WDR41: variants seen among roughly 807,000 people sequenced by gnomAD.
The protein encoded by WDR41 is WD repeat-containing protein 41.
In WDR41, 63 loss-of-function variants were observed where a neutral mutation model predicts 69.3. That is an observed-to-expected ratio of 0.91 (90% confidence interval 0.74 to 1.12). WDR41 has a LOEUF of 1.12. Among genes scored for constraint, WDR41 ranks in the 50% most tolerant of loss-of-function variants. WDR41 has a pLI of 0.00. For missense variants in WDR41, 543 were observed against 534.5 expected (o/e 1.02, Z -0.16); for synonymous variants, 185 against 192.1 (o/e 0.96, Z 0.31).
intron 1 of WDR41, among the ~76,000 whole-genome samples, chr5:77,524,232 T>C (rs755864970): frequency 3.3e-5 from 5 of 152,174 alleles, no homozygotes; most frequent in Middle Eastern, 3.2e-3. Flanking sequence ...TATTATTACA[T>C]TGGGAATTTT....
intron 1 of WDR41, among the ~76,000 whole-genome samples, chr5:77,594,352 C>T (rs1744187331): frequency 6.6e-6 from 1 of 151,480 alleles, no homozygotes; most frequent in Admixed American, 6.6e-5. Context: ...CAACATAGCA[C>T]ATGTATACAT....
intron 1 of WDR41, among the ~76,000 whole-genome samples, chr5:77,567,073 G>A (rs920503413): frequency 6.6e-6 from 1 of 152,144 alleles, no homozygotes; most frequent in Middle Eastern, 3.2e-3. Context: ...ATGAGGTAGA[G>A]CGACAGAGTC....
intron 1 of WDR41, chr5:77,491,883 T>C: frequency 2.1e-6 from 1 of 479,134 alleles, no homozygotes; most frequent in South Asian, 3.3e-5. Context: ...ATAGGACTGC[T>C]GACCAGCTGA....
At chr5:77,609,308 C>G (rs950069242) in intron 1 of WDR41, among the ~76,000 whole-genome samples, 5 of 152,180 alleles carry the variant, frequency 3.3e-5, no homozygotes, top group Non-Finnish European at 7.4e-5. Context: ...AGCAGTGGTT[C>G]TCCCAGCACG....
At chr5:77,516,406 G>A (rs898745490) in intron 1 of WDR41, among the ~76,000 whole-genome samples, 5 of 152,188 alleles carry the variant, frequency 3.3e-5, no homozygotes, top group Admixed American at 1.3e-4. Context: ...TACTTTTTCC[G>A]TAACTAATCA....
At chr5:77,551,149 C>G (rs1332026859) in intron 1 of WDR41, among the ~76,000 whole-genome samples, 2 of 152,132 alleles carry the variant, frequency 1.3e-5, no homozygotes, top group Admixed American at 6.5e-5. Flanking sequence ...CCCGAAACCT[C>G]AGCATCATGC....
chr5:77,433,268 T>C lies in WDR41; in HGVS notation c.1247A>G (p.Asp416Gly). 1 of 1,612,480 alleles carries C rather than the reference T, an allele frequency of 6.2e-7. No individual in the cohort carries two copies. The highest frequency in any genetic ancestry group is 8.5e-7 in the Non-Finnish European group (1 of 1,179,592). The change falls in exon 13 of 13, where the codon GAT (aspartate) becomes GGT (glycine). Residue 416 changes from aspartate to glycine, a missense_variant. Transcript: ENST00000296679. Reference sequence around the variant, plus strand: ...AGCGGAGCACGTCACTAGTCCATGATCTTCAAAGTATAGAAACATCTGTAA... The same window carrying C: ...AGCGGAGCACGTCACTAGTCCATGACCTTCAAAGTATAGAAACATCTGTAA... ...SSVEMFLYFE[D>G]HGLVTCSADH...
At chr5:77,476,084 G>A (rs1193714079) in intron 2 of WDR41, among the ~76,000 whole-genome samples, 5 of 151,156 alleles carry the variant, frequency 3.3e-5, no homozygotes, top group African/African-American at 9.8e-5. Context: ...GATGGAAGAT[G>A]AAATGAATGA....
At chr5:77,572,450 A>G (rs1743750131) in intron 1 of WDR41, among the ~76,000 whole-genome samples, 1 of 152,212 alleles carries the variant, frequency 6.6e-6, no homozygotes, top group Non-Finnish European at 1.5e-5. Context: ...TAATTCTAAA[A>G]AATGTTACTT....
intron 1 of WDR41, among the ~76,000 whole-genome samples, chr5:77,504,881 A>T (rs1338618466): frequency 6.6e-6 from 1 of 152,206 alleles, no homozygotes; most frequent in East Asian, 1.9e-4. Flanking sequence ...ATCTCAAAAT[A>T]ATAAGAGATA....
At chr5:77,495,550 AT>A (rs1452533561), upstream of WDR41, among the ~76,000 whole-genome samples, 5 of 152,028 alleles carry the variant, frequency 3.3e-5, no homozygotes, top group Non-Finnish European at 4.4e-5. Flanking sequence ...AAATACACAA[AT>A]TATTTAAATT....
At chr5:77,618,853 A>T (rs1287839331) in intron 1 of WDR41, among the ~76,000 whole-genome samples, 1 of 152,154 alleles carries the variant, frequency 6.6e-6, no homozygotes, top group Non-Finnish European at 1.5e-5. Flanking sequence ...CAGAAGGGGG[A>T]TGGTTTCAGT....
At chr5:77,437,464 CACT>C (rs577605893) in intron 10 of WDR41, 40 bp from the exon 11 acceptor site, 2 of 1,535,374 alleles carry the variant, frequency 1.3e-6, no homozygotes, top group Admixed American at 1.7e-5. Context: ...AAGAGCGCAC[CACT>C]GAGGGCCAAT....
At chr5:77,503,359 G>C (rs1333330142) in intron 1 of WDR41, among the ~76,000 whole-genome samples, 3 of 151,850 alleles carry the variant, frequency 2.0e-5, no homozygotes, top group Admixed American at 2.0e-4. Flanking sequence ...AATACAGGAG[G>C]ACCCAGATTC....
chr5:77,466,229 G>A (rs957791075), intron 2 of WDR41, among the ~76,000 whole-genome samples: 6 of 151,628 alleles, frequency 4.0e-5, no homozygotes, highest in South Asian at 2.1e-4. Flanking sequence ...TAAAAGATCC[G>A]GAGATTAAAA....
intron 12 of WDR41, among the ~76,000 whole-genome samples, chr5:77,434,377 C>T (rs1376911981): frequency 6.6e-6 from 1 of 152,010 alleles, no homozygotes; most frequent in African/African-American, 2.4e-5. Flanking sequence ...GGATAAGACT[C>T]AGCTGAGGAT....
chr5:77,520,618 T>C (rs10474516), intron 1 of WDR41, among the ~76,000 whole-genome samples: 51,910 of 151,924 alleles, frequency 0.34, 8,953 homozygotes, highest in African/African-American at 0.37. Context: ...TGCTTGACAT[T>C]CTCCCTGCAA....
intron 1 of WDR41, among the ~76,000 whole-genome samples, chr5:77,573,467 A>C (rs1050741402): frequency 6.6e-6 from 1 of 152,214 alleles, no homozygotes; most frequent in Non-Finnish European, 1.5e-5. Flanking sequence ...TTTATTCTCC[A>C]AATATGCAGA....
intron 4 of WDR41, 27 bp downstream of exon 4, chr5:77,463,068 G>A: frequency 6.2e-7 from 1 of 1,608,898 alleles, no homozygotes; most frequent in Non-Finnish European, 8.5e-7. Flanking sequence ...ACTACAGCTT[G>A]TTCATTTCTT....
Sources: allele counts gnomAD v4.1 joint callset (sites outside exome capture counted in the v4.1 genomes callset), GRCh38; gene constraint gnomAD v4.1.1; transcripts MANE v1.5; gene names NCBI Gene and HGNC (gene_info 2026-07-23, HGNC 2026-07-21).